The following BTAF1 variants were observed in gnomAD, a reference collection of about 807,000 sequenced individuals.
BTAF1 encodes B-TFIID TATA-box binding protein associated factor 1.
Under a neutral mutation model 227.1 loss-of-function variants are expected in BTAF1, and 38 were observed. That is an observed-to-expected ratio of 0.17 (90% CI 0.13 to 0.22). The LOEUF is 0.22. BTAF1 is among the 10% of genes least tolerant of loss of function. BTAF1 has a pLI of 1.00. For missense variants in BTAF1, 1,598 were observed against 2,204.0 expected, an observed-to-expected ratio of 0.73 and a Z score of 5.51; for synonymous variants, 742 against 751.9, an observed-to-expected ratio of 0.99 and a Z score of 0.21.
chr10:91,924,045 C>A lies in BTAF1; in HGVS notation c.-32C>A. On this transcript the variant is annotated 5_prime_UTR_variant, in exon 1 of 38. Transcript: ENST00000265990. ...CGCCTCAGCTGCGCGGCGCGTAGGT[C>A]GCGGGGAGCTCCGAACCGCCGGCGC... 2.5e-6 allele frequency: 4 copies of A among 1,603,814 alleles called. No homozygotes were observed. The highest frequency in any genetic ancestry group is 3.4e-6 in the Non-Finnish European group (4 of 1,176,792).
intron 14 of BTAF1, among the ~76,000 whole-genome samples, chr10:91,973,631 G>A (rs1431286828): frequency 2.0e-5 from 3 of 152,080 alleles, no homozygotes; most frequent in African/African-American, 4.8e-5. Context: ...CCGGCCGGGC[G>A]CGGTGGCTCA....
chr10:92,025,029 C>T, intron 35 of BTAF1, 62 bp downstream of exon 35: 1 of 1,435,990 alleles, frequency 7.0e-7, no homozygotes, highest in South Asian at 1.3e-5. Context: ...TAGAAGTTTG[C>T]CCCATGAAAT....
intron 25 of BTAF1, among the ~76,000 whole-genome samples, chr10:92,006,740 A>G (rs1217451202): frequency 1.3e-5 from 2 of 152,212 alleles, no homozygotes; most frequent in Non-Finnish European, 2.9e-5. Flanking sequence ...TTTTTGAGAA[A>G]ATGTCAGCCA....
Position 91,962,612 on chromosome 10 carries a change from C to T in BTAF1, c.1338C>T (p.Val446=). Reference sequence around the variant, plus strand: ...GACTCCAGGATCTTGATGATGATGTCAGAGCTGTTGCTGCAGCATCATTAG... The same window carrying T: ...GACTCCAGGATCTTGATGATGATGTTAGAGCTGTTGCTGCAGCATCATTAG... ...IEGLQDLDDD[V]RAVAAASLVP... is the part of the protein sequence containing the mutation. The change falls in exon 12 of 38, where the codon GTC becomes GTT. Residue 446 remains valine, a synonymous_variant. Transcript: ENST00000265990. 1 of 1,611,350 alleles carries T rather than the reference C, an allele frequency of 6.2e-7. No homozygotes were observed. Among genetic ancestry groups the T allele is most frequent in the Non-Finnish European group, 8.5e-7 (1 of 1,178,352 alleles).
chr10:91,974,497 T>A (rs1257659259), intron 14 of BTAF1, among the ~76,000 whole-genome samples: 1 of 152,180 alleles, frequency 6.6e-6, no homozygotes, highest in East Asian at 1.9e-4. Context: ...TCTTCTGTGA[T>A]GTTAACATGT....
At chr10:92,001,395 G>A (rs1020545668) in intron 25 of BTAF1, among the ~76,000 whole-genome samples, 1 of 152,110 alleles carries the variant, frequency 6.6e-6, no homozygotes, top group Non-Finnish European at 1.5e-5. Flanking sequence ...GAAAGGAGTA[G>A]GTGGAGCAAT....
chr10:91,947,577 G>A (rs932757630), intron 4 of BTAF1, among the ~76,000 whole-genome samples: 3 of 151,766 alleles, frequency 2.0e-5, no homozygotes, highest in African/African-American at 2.4e-5. Flanking sequence ...CTATTCTTAC[G>A]CGAGTACCAC....
chr10:91,960,407 C>T (rs11186769), intron 11 of BTAF1, among the ~76,000 whole-genome samples: 57 of 152,258 alleles, frequency 3.7e-4, no homozygotes, highest in East Asian at 1.9e-3. Flanking sequence ...TCCATTGCTA[C>T]AGTTAATTCA....
chr10:91,961,885 C>T (rs1350772837), intron 11 of BTAF1, among the ~76,000 whole-genome samples: 2 of 151,808 alleles, frequency 1.3e-5, no homozygotes, highest in African/African-American at 2.4e-5. Flanking sequence ...TTTTGGTTGT[C>T]GGTGGCATTG....
intron 34 of BTAF1, among the ~76,000 whole-genome samples, chr10:92,021,658 C>T (rs1378027791): frequency 6.6e-6 from 1 of 152,018 alleles, no homozygotes; most frequent in African/African-American, 2.4e-5. Flanking sequence ...TCTCTTGCCT[C>T]AGCCTCCCAA....
intron 21 of BTAF1, among the ~76,000 whole-genome samples, chr10:91,992,660 A>C (rs1190804391): frequency 6.6e-6 from 1 of 152,190 alleles, no homozygotes; most frequent in African/African-American, 2.4e-5. Context: ...TGACTTTTTT[A>C]GTCAATTTGA....
rs969389265 is a variant in BTAF1, at chr10:92,007,210, C to CTTTTTTTTTTTTTTTT, written c.3661-902_3661-887dup. On this transcript the variant is annotated intron_variant, in intron 25 of 37. Transcript: ENST00000265990. ...ACTGCTCTATCAAGGTATTTTTTGT[C>CTTTTTTTTTTTTTTTT]TTTTTTTTTTTTTTTTTTTTTTTTT... 4.9e-5 allele frequency among the ~76,000 whole-genome samples: 3 copies of CTTTTTTTTTTTTTTTT among 61,268 alleles called. 1 individual carries two copies. Among genetic ancestry groups the CTTTTTTTTTTTTTTTT allele is most frequent in the Non-Finnish European group, 9.8e-5 (3 of 30,508 alleles). 40.2% of individuals were successfully genotyped at this position (61,268 alleles called of 152,430 possible).
intron 30 of BTAF1, among the ~76,000 whole-genome samples, chr10:92,012,786 A>C (rs892368974): frequency 4.0e-5 from 6 of 151,776 alleles, no homozygotes; most frequent in Non-Finnish European, 8.8e-5. Flanking sequence ...AAAAAAAAAA[A>C]AAAAGCTTAA....
intron 25 of BTAF1, among the ~76,000 whole-genome samples, chr10:92,006,202 G>A (rs1329813596): frequency 2.0e-5 from 3 of 152,114 alleles, no homozygotes; most frequent in African/African-American, 7.2e-5. Context: ...GCAATATGTT[G>A]TTTTGGCTCA....
At chr10:91,938,317 A>G (rs1844771767) in intron 2 of BTAF1, among the ~76,000 whole-genome samples, 1 of 152,164 alleles carries the variant, frequency 6.6e-6, no homozygotes, top group South Asian at 2.1e-4. Flanking sequence ...TTTTGGTGTC[A>G]TATCTAAGAA....
intron 8 of BTAF1, among the ~76,000 whole-genome samples, chr10:91,958,735 G>A (rs183151773): frequency 3.3e-5 from 5 of 152,134 alleles, no homozygotes; most frequent in East Asian, 3.9e-4. Context: ...AACACTATAC[G>A]ATACTTTCTT....
chr10:91,952,243 G>T (rs565139126), intron 5 of BTAF1, among the ~76,000 whole-genome samples: 112 of 152,132 alleles, frequency 7.4e-4, no homozygotes, highest in African/African-American at 2.6e-3. Context: ...TAATGTGTCA[G>T]TATATTCAGA....
chr10:91,982,430 A>T (rs1435542879), intron 17 of BTAF1, 157 bp from the exon 18 acceptor site: 1 of 1,067,178 alleles, frequency 9.4e-7, no homozygotes, highest in Admixed American at 2.9e-5. Context: ...TCTTATGAAG[A>T]CAAGATAGTC....
At chr10:91,948,699 T>TAAA (rs11331302) in intron 4 of BTAF1, among the ~76,000 whole-genome samples, 5 of 142,870 alleles carry the variant, frequency 3.5e-5, no homozygotes, top group African/African-American at 5.2e-5. Flanking sequence ...TCTTTTTTAT[T>TAAA]AAAAAAAAAA....
Sources: gnomAD v4.1 joint callset for allele counts (sites outside exome capture counted in the v4.1 genomes callset) on GRCh38, gnomAD v4.1.1 for gene constraint, MANE v1.5 for transcripts, NCBI Gene and HGNC (gene_info 2026-07-23, HGNC 2026-07-21) for gene names.